RAPGEF2: variants seen among roughly 807,000 people sequenced by gnomAD.
RAPGEF2 encodes the protein Rap guanine nucleotide exchange factor 2.
RAPGEF2 carries 54 observed loss-of-function variants against 186.7 expected under a neutral mutation model. The ratio of observed to expected loss-of-function variants is 0.29; its 90% CI spans 0.23 to 0.36. The LOEUF (loss-of-function observed/expected upper bound fraction) is 0.36. Ranked by LOEUF, RAPGEF2 falls within the 10% of genes least tolerant of loss-of-function variation. The probability of loss-of-function intolerance (pLI) is 1.00; values close to 1 mark genes in which losing one functional copy is unlikely to be tolerated. For synonymous variants in RAPGEF2, 712 were observed against 705.9 expected, an observed-to-expected ratio of 1.01 and a Z score of -0.14; for missense variants, 1,532 against 2,045.0, an observed-to-expected ratio of 0.75 and a Z score of 4.84.
intron 3 of RAPGEF2, among the ~76,000 whole-genome samples, chr4:159,208,955 A>G (rs1227702202): frequency 6.6e-6 from 1 of 152,086 alleles, no homozygotes; most frequent in African/African-American, 2.4e-5. Flanking sequence ...CAGTAGCACA[A>G]TCTCAGCTCA....
At chr4:159,255,024 G>A (rs1193765060) in intron 7 of RAPGEF2, among the ~76,000 whole-genome samples, 1 of 152,136 alleles carries the variant, frequency 6.6e-6, no homozygotes. Flanking sequence ...CCGTGTTTAG[G>A]TATGTTTACA....
chr4:159,351,164 C>CA, intron 26 of RAPGEF2: 1 of 1,535,106 alleles, frequency 6.5e-7, no homozygotes. Context: ...AACAATGCAC[C>CA]ACGGACCTAT....
chr4:159,122,452 C>G (rs1739803922), intron 1 of RAPGEF2, among the ~76,000 whole-genome samples: 1 of 151,796 alleles, frequency 6.6e-6, no homozygotes, highest in Admixed American at 6.6e-5. Context: ...GCACTCCAGC[C>G]TGGGCGACAG....
intron 7 of RAPGEF2, among the ~76,000 whole-genome samples, chr4:159,263,675 C>T (rs1177175633): frequency 2.0e-5 from 3 of 151,886 alleles, no homozygotes; most frequent in Admixed American, 6.6e-5. Flanking sequence ...GATTCCCTTG[C>T]GTTTTGATGA....
At chr4:159,123,764 T>G (rs1739979417) in intron 1 of RAPGEF2, among the ~76,000 whole-genome samples, 1 of 152,064 alleles carries the variant, frequency 6.6e-6, no homozygotes, top group African/African-American at 2.4e-5. Context: ...GTGATCTACC[T>G]GCCTCGACCT....
chr4:159,137,381 A>G (rs1741830494), intron 1 of RAPGEF2, among the ~76,000 whole-genome samples: 1 of 152,070 alleles, frequency 6.6e-6, no homozygotes, highest in Non-Finnish European at 1.5e-5. Flanking sequence ...GCAGAGGGAG[A>G]GGGAGAGCAG....
At chr4:159,290,039 A>G (rs1248947777) in intron 7 of RAPGEF2, among the ~76,000 whole-genome samples, 1 of 152,138 alleles carries the variant, frequency 6.6e-6, no homozygotes, top group Non-Finnish European at 1.5e-5. Context: ...TAGGCAGGGG[A>G]GTGACAGGAT....
chr4:159,200,046 A>ATCTCTCTCTC (rs141283472), intron 3 of RAPGEF2, among the ~76,000 whole-genome samples: 7 of 151,258 alleles, frequency 4.6e-5, no homozygotes, highest in African/African-American at 1.5e-4. Flanking sequence ...ATTTGATGTA[A>ATCTCTCTCTC]TCTCTCTCTC....
intron 1 of RAPGEF2, among the ~76,000 whole-genome samples, chr4:159,117,684 G>T (rs1167168475): frequency 6.6e-6 from 1 of 151,986 alleles, no homozygotes; most frequent in Non-Finnish European, 1.5e-5. Flanking sequence ...TAACCCAGTG[G>T]TTTTAATCTT....
chr4:159,243,702 A>AAT, intron 6 of RAPGEF2, 72 bp from the exon 7 acceptor site: 1 of 1,001,538 alleles, frequency 1.0e-6, no homozygotes, highest in Non-Finnish European at 1.4e-6. Flanking sequence ...TGGCAGATGT[A>AAT]ATATAGCATG....
intron 29 of RAPGEF2, 65 bp downstream of exon 29, chr4:159,356,223 G>A (rs1222081087): frequency 1.3e-6 from 2 of 1,482,754 alleles, no homozygotes; most frequent in Admixed American, 1.9e-5. Context: ...TGCTTCCCAA[G>A]GCATTTCTGT....
chr4:159,161,681 C>T (rs920511797), intron 1 of RAPGEF2, among the ~76,000 whole-genome samples: 15 of 152,144 alleles, frequency 9.9e-5, no homozygotes. Context: ...CACTGCACTC[C>T]AGCCTGGGTG....
At chr4:159,285,896 A>G (rs1305616647) in intron 7 of RAPGEF2, among the ~76,000 whole-genome samples, 1 of 152,224 alleles carries the variant, frequency 6.6e-6, no homozygotes, top group Non-Finnish European at 1.5e-5. Flanking sequence ...CCACAAAATG[A>G]GACATCAATT....
chr4:159,234,549 ATTTTTTTTTT>A (rs10588096), intron 4 of RAPGEF2, among the ~76,000 whole-genome samples: 37 of 108,152 alleles, frequency 3.4e-4, no homozygotes, highest in Middle Eastern at 9.9e-3. Flanking sequence ...TGCCCGGCTA[ATTTTTTTTTT>A]TTTTTTTTTT....
At chr4:159,115,284 G>A (rs1738924257) in intron 1 of RAPGEF2, among the ~76,000 whole-genome samples, 1 of 152,128 alleles carries the variant, frequency 6.6e-6, no homozygotes, top group Admixed American at 6.6e-5. Flanking sequence ...GTGTAAGCAG[G>A]AAGATATTTA....
At chr4:159,258,062 A>T (rs143508571) in intron 7 of RAPGEF2, among the ~76,000 whole-genome samples, 45 of 152,288 alleles carry the variant, frequency 3.0e-4, no homozygotes, top group African/African-American at 1.1e-3. Context: ...AACATGAACT[A>T]TCTGGCCAGT....
intron 1 of RAPGEF2, among the ~76,000 whole-genome samples, chr4:159,120,176 C>T (rs1739503109): frequency 6.6e-6 from 1 of 152,086 alleles, no homozygotes; most frequent in Admixed American, 6.5e-5. Context: ...TATGCCACCA[C>T]ACCTGGCTAA....
intron 1 of RAPGEF2, among the ~76,000 whole-genome samples, chr4:159,171,986 A>AACT (rs1375407819): frequency 6.6e-6 from 1 of 152,126 alleles, no homozygotes; most frequent in Non-Finnish European, 1.5e-5. Flanking sequence ...TAAAACAGTG[A>AACT]ACTACTATCT....
Position 159,104,489 on chromosome 4 carries a change from CGAGAGAGAGAGAGA to C in RAPGEF2, c.69+282_69+295del, listed in dbSNP as rs553251268. On this transcript the variant is annotated intron_variant, in intron 1 of 29. Transcript: ENST00000691494. ...GACCTTTCCCACTATGTTGCCCAGC[CGAGAGAGAGAGAGA>C]GAGAGAGAGAGAGAGAGAGAGAGGG... Among the ~76,000 whole-genome samples, 210 of 88,800 alleles carry C rather than the reference CGAGAGAGAGAGAGA, an allele frequency of 2.4e-3. 1 individual carries two copies. Among genetic ancestry groups the C allele is most frequent in the Admixed American group, 4.0e-3 (36 of 8,982 alleles). The allele number at this position is 88,800 out of a possible 152,430, so 58.3% of individuals were successfully genotyped here. A position where few individuals can be genotyped will look rare whatever the true frequency, so the allele number is the denominator to read the frequency against.
Sources: gnomAD v4.1 joint callset for allele counts (sites outside exome capture counted in the v4.1 genomes callset) on GRCh38, gnomAD v4.1.1 for gene constraint, MANE v1.5 for transcripts, NCBI Gene and HGNC (gene_info 2026-07-23, HGNC 2026-07-21) for gene names.